CDC42BPB: variants seen among roughly 807,000 people sequenced by gnomAD.
CDC42BPB encodes CDC42 binding protein kinase beta.
CDC42BPB carries 37 observed loss-of-function variants against 214.9 expected under a neutral mutation model. The observed-to-expected ratio is 0.17, with a 90% CI of 0.13 to 0.23. The LOEUF (loss-of-function observed/expected upper bound fraction) is 0.23. Among genes scored for constraint, CDC42BPB ranks in the 10% least tolerant of loss-of-function variants. The pLI is 1.00. For missense variants in CDC42BPB, 1,694 were observed against 2,227.0 expected (o/e 0.76, Z 4.82); for synonymous variants, 931 against 884.0 (o/e 1.05, Z -0.94).
chr14:103,041,621 G>T (rs1181439624), intron 1 of CDC42BPB: 30 of 752,278 alleles, frequency 4.0e-5, no homozygotes, highest in Middle Eastern at 7.3e-4. Flanking sequence ...ACCGCGTTGG[G>T]ACCCATCCGG....
At chr14:103,002,480 C>T (rs1895033219) in intron 4 of CDC42BPB, among the ~76,000 whole-genome samples, 1 of 152,202 alleles carries the variant, frequency 6.6e-6, no homozygotes, top group Non-Finnish European at 1.5e-5. Context: ...ACAAAACAAG[C>T]ATCATCATCT....
chr14:102,980,726 G>C (rs1161379860), intron 8 of CDC42BPB, 47 bp downstream of exon 8: 1 of 1,592,934 alleles, frequency 6.3e-7, no homozygotes, highest in Non-Finnish European at 8.6e-7. Flanking sequence ...AGCACTGCAT[G>C]TCAGACCCAC....
chr14:103,028,479 C>T (rs1020728710), intron 1 of CDC42BPB, among the ~76,000 whole-genome samples: 2 of 152,182 alleles, frequency 1.3e-5, no homozygotes, highest in African/African-American at 4.8e-5. Flanking sequence ...CTGAGACAGC[C>T]CCAGCACGCA....
At position 102,970,364 on chromosome 14, in the gene CDC42BPB, C is replaced by T. The variant is rs190995729; in HGVS notation, c.1885-103G>A. Reference sequence around the variant, plus strand: ...CCACAAGAACAAGACCTCGAAGGAGCTCTGCGCGTGTTCACCCTTCATCAA... The same window carrying T: ...CCACAAGAACAAGACCTCGAAGGAGTTCTGCGCGTGTTCACCCTTCATCAA... On this transcript the variant is annotated intron_variant, in intron 13 of 36. Coordinates refer to ENST00000361246, the MANE Select transcript of CDC42BPB (RefSeq NM_006035.4). 59 of 1,477,216 alleles carry T rather than the reference C, an allele frequency of 4.0e-5. 1 individual carries two copies. The African/African-American group carries it at 7.7e-4, about 19-fold the overall frequency. The allele number at this position is 1,477,216 out of a possible 1,614,324, so 91.5% of individuals were successfully genotyped here.
At chr14:102,940,375 C>A in intron 30 of CDC42BPB, 51 bp from the exon 31 acceptor site, 1 of 1,548,796 alleles carries the variant, frequency 6.5e-7, no homozygotes, top group Non-Finnish European at 8.7e-7. Flanking sequence ...CAGGAACTCA[C>A]CTGCCCTCGG....
chr14:102,940,487 A>G (rs754234711), intron 30 of CDC42BPB, 163 bp from the exon 31 acceptor site: 6 of 1,449,984 alleles, frequency 4.1e-6, no homozygotes, highest in Non-Finnish European at 5.4e-6. Context: ...TCTGGAATTC[A>G]TCTTCATTTC....
Position 102,968,569 on chromosome 14 carries a change from C to T in CDC42BPB, c.2143G>A (p.Val715Met), listed in dbSNP as rs372673553. Residue 715 changes from valine to methionine, a missense_variant, in exon 15 of 37, where the codon GTG (valine) becomes ATG (methionine). Val to Met is a conservative substitution (Grantham distance 21, BLOSUM62 1). Coordinates refer to ENST00000361246, the MANE Select transcript of CDC42BPB (RefSeq NM_006035.4). ...EASHVLEVKN[V>M]KKEVHDSESH... ...TCTGAATCATGCACCTCCTTCTTCA[C>T]ATTTTTCACTTCTAGCACATGGGAG... 4 of 1,614,112 alleles carry T rather than the reference C, an allele frequency of 2.5e-6. No homozygotes were observed. The African/African-American group carries it at 5.3e-5, about 22-fold the overall frequency.
At chr14:103,053,476 ACT>A (rs1888729136) in intron 1 of CDC42BPB, among the ~76,000 whole-genome samples, 1 of 150,456 alleles carries the variant, frequency 6.6e-6, no homozygotes. Context: ...AGTTGAAATG[ACT>A]CGGCCAGGCA....
intron 30 of CDC42BPB, chr14:102,940,693 T>TC: frequency 9.5e-6 from 3 of 315,266 alleles, no homozygotes; most frequent in Non-Finnish European, 1.8e-5. Context: ...AGGGGCCGAC[T>TC]GTTCAGTATG....
At chr14:102,969,673 T>C (rs2139464627) in intron 14 of CDC42BPB, among the ~76,000 whole-genome samples, 1 of 152,342 alleles carries the variant, frequency 6.6e-6, no homozygotes, top group East Asian at 1.9e-4. Context: ...ACTTGGCCAC[T>C]GTGGCCTTCC....
Position 102,976,063 on chromosome 14 carries a change from C to G in CDC42BPB, c.1221-14G>C, listed in dbSNP as rs1016051019. ...TCAGAAAAACAGCTGGGAAACCAAG[C>G]AACAGGTTTTTTTGATCTACTGAAA... is the stretch of plus-strand genomic sequence containing the variant. On this transcript the variant is annotated splice_polypyrimidine_tract_variant and intron_variant, in intron 9 of 36. Transcript: ENST00000361246. 1 of 1,603,922 alleles carries G rather than the reference C, an allele frequency of 6.2e-7. No homozygotes were observed. Among genetic ancestry groups the G allele is most frequent in the African/African-American group, 1.3e-5 (1 of 74,634 alleles).
In CDC42BPB at chr14:103,004,357, A is replaced by C; in HGVS notation, c.352-334T>G. 1 of 247,956 alleles carries C rather than the reference A, an allele frequency of 4.0e-6. No homozygotes were observed. The highest frequency in any genetic ancestry group is 7.6e-6 in the Non-Finnish European group (1 of 132,240). The allele number at this position is 247,956 out of a possible 1,614,324, so 15.4% of individuals were successfully genotyped here. The stretch of plus-strand genomic sequence containing the variant: ...CCACCTGGCACCTCCTGACTCCTCT[A>C]CCAGATCAACCTCTGCCAAGTATCG... On this transcript the variant is annotated intron_variant, in intron 3 of 36. Transcript: ENST00000361246. This position sits in a 1 kb window ranked among gnomAD's most constrained non-coding sequence, Gnocchi z 5.3.
intron 11 of CDC42BPB, among the ~76,000 whole-genome samples, chr14:102,975,310 G>A (rs1303475902): frequency 6.6e-6 from 1 of 152,214 alleles, no homozygotes; most frequent in African/African-American, 2.4e-5. Context: ...GATCACCTGA[G>A]GTCAGGAGTT....
intron 7 of CDC42BPB, among the ~76,000 whole-genome samples, chr14:102,981,684 C>T (rs914509247): frequency 5.3e-5 from 8 of 151,968 alleles, no homozygotes; most frequent in African/African-American, 1.5e-4. Flanking sequence ...GGCTGAGGCA[C>T]GAGAATCGCT....
intron 1 of CDC42BPB, among the ~76,000 whole-genome samples, chr14:103,025,479 G>A (rs118051108): frequency 3.4e-5 from 5 of 148,842 alleles, no homozygotes; most frequent in Non-Finnish European, 7.4e-5. Context: ...ATAACCTGTA[G>A]TATTCATGTA....
chr14:103,044,418 C>G (rs559374871), intron 1 of CDC42BPB, among the ~76,000 whole-genome samples: 2 of 147,742 alleles, frequency 1.4e-5, no homozygotes, highest in East Asian at 4.0e-4. Flanking sequence ...CACCCAGGCT[C>G]GAGTGCACTG....
Position 102,964,621 on chromosome 14 carries a change from C to T in CDC42BPB, c.2607G>A (p.Gln869=). ...CCAGCCGCGCGGACATGTCCAGCTTCTGGCTGCGGCGCACCTTCCACAGCG... is the reference window on the plus strand; with the variant it reads ...CCAGCCGCGCGGACATGTCCAGCTTTTGGCTGCGGCGCACCTTCCACAGCG... ...LDPLWKVRRS[Q]KLDMSARLEL... The change falls in exon 19 of 37, where the codon CAG becomes CAA. Residue 869 remains glutamine, a synonymous_variant. Coordinates refer to ENST00000361246, the MANE Select transcript of CDC42BPB (RefSeq NM_006035.4). 1.9e-6 allele frequency: 3 copies of T among 1,613,794 alleles called. No individual in the cohort carries two copies. The highest frequency in any genetic ancestry group is 8.5e-7 in the Non-Finnish European group (1 of 1,179,864).
At chr14:102,963,216 G>T in intron 19 of CDC42BPB, 61 bp from the exon 20 acceptor site, 1 of 1,552,964 alleles carries the variant, frequency 6.4e-7, no homozygotes, top group South Asian at 1.2e-5. Context: ...GAGCTGGTAT[G>T]GGGCAGGTCA....
At chr14:102,946,934 T>C in intron 27 of CDC42BPB, 1 of 840,300 alleles carries the variant, frequency 1.2e-6, no homozygotes. Context: ...TCTGCTTTTG[T>C]CAAAACTACG....
Sources: gnomAD v4.1 joint callset for allele counts (sites outside exome capture counted in the v4.1 genomes callset) on GRCh38, gnomAD v4.1.1 for gene constraint, Gnocchi (gnomAD v3.1) non-coding constraint, MANE v1.5 for transcripts, NCBI Gene and HGNC (gene_info 2026-07-23, HGNC 2026-07-21) for gene names.